The following TMEM39A variants were observed in gnomAD, a reference collection of about 807,000 sequenced individuals.
TMEM39A encodes suppressor of SQST-1 aggregates in rpl-43 mutants.
Under a neutral mutation model 51.9 loss-of-function variants are expected in TMEM39A, and 19 were observed. The observed-to-expected ratio is 0.37, with a 90% CI of 0.26 to 0.54. TMEM39A has a LOEUF of 0.54. TMEM39A is among the 20% of genes least tolerant of loss of function. TMEM39A has a pLI of 0.88. For missense variants in TMEM39A, 433 were observed against 590.5 expected, an observed-to-expected ratio of 0.73 and a Z score of 2.76; for synonymous variants, 197 against 220.2, an observed-to-expected ratio of 0.89 and a Z score of 0.93.
intron 5 of TMEM39A, among the ~76,000 whole-genome samples, chr3:119,445,090 A>AT (rs1056037434): frequency 3.3e-5 from 5 of 151,868 alleles, no homozygotes; most frequent in Non-Finnish European, 7.4e-5. Context: ...AAAAAAAAAA[A>AT]GCAACCGTCT....
At chr3:119,435,886 C>T in intron 7 of TMEM39A, 1 of 1,289,598 alleles carries the variant, frequency 7.8e-7, no homozygotes, top group South Asian at 1.2e-5. Flanking sequence ...GGTTTCTTTT[C>T]AGCCTGGCCC....
intron 8 of TMEM39A, 69 bp from the exon 9 acceptor site, chr3:119,432,283 G>T: frequency 1.8e-6 from 2 of 1,121,130 alleles, no homozygotes; most frequent in Non-Finnish European, 2.5e-6. Context: ...TTCTTGCATT[G>T]ATTTTTCTAA....
chr3:119,435,577 T>TAA (rs766264250), intron 7 of TMEM39A: 13 of 802,190 alleles, frequency 1.6e-5, no homozygotes, highest in African/African-American at 1.9e-5. Context: ...TTAAGCTTTT[T>TAA]AAAAAAAAAA....
intron 1 of TMEM39A, among the ~76,000 whole-genome samples, chr3:119,462,405 G>C (rs1200236346): frequency 6.6e-6 from 1 of 152,010 alleles, no homozygotes; most frequent in Admixed American, 6.5e-5. Flanking sequence ...TGTATCATCT[G>C]TAAGATATTA....
At chr3:119,435,826 G>C in intron 7 of TMEM39A, 1 of 1,287,912 alleles carries the variant, frequency 7.8e-7, no homozygotes, top group Non-Finnish European at 1.0e-6. Flanking sequence ...TACTAGTACT[G>C]TGGATTGTAT....
chr3:119,443,715 A>T lies in TMEM39A; in HGVS notation c.575+3303T>A, dbSNP rs1437903881. Among the ~76,000 whole-genome samples, 4 of 152,124 alleles carry T rather than the reference A, an allele frequency of 2.6e-5. No individual in the cohort carries two copies. The East Asian group carries it at 7.7e-4, about 29-fold the overall frequency. ...AGGATCACTTGAGCCCAGGAGTTCA[A>T]GACCAGCCTGGGCAACAAAACGAGA... On this transcript the variant is annotated intron_variant, in intron 5 of 8. Transcript: ENST00000319172.
In TMEM39A at chr3:119,463,457, C is replaced by G. The variant is rs1315713849; in HGVS notation, c.-196G>C. 1.0e-5 allele frequency: 4 copies of G among 396,870 alleles called. No homozygotes were observed. The highest frequency in any genetic ancestry group is 8.2e-5 in the African/African-American group (4 of 48,582). 24.6% of individuals were successfully genotyped at this position (396,870 alleles called of 1,614,324 possible). A position where few individuals can be genotyped will look rare whatever the true frequency, so the allele number is the denominator to read the frequency against. On this transcript the variant is annotated 5_prime_UTR_variant, in exon 1 of 9. Transcript: ENST00000319172. ...GAACGCTGCAAACCAGCTGCTTGGA[C>G]GCAGGCAGCCCCCGCCTAGAGAATC...
In TMEM39A at chr3:119,434,762, A is replaced by G. The variant is rs984408905; in HGVS notation, c.1233T>C (p.Tyr411=). Residue 411 remains tyrosine (Y), a splice_region_variant and synonymous_variant, in exon 8 of 9, where the codon TAT becomes TAC. Coordinates refer to ENST00000319172, the MANE Select transcript of TMEM39A (RefSeq NM_018266.3). ...VPSDVSHARF[Y]FLFHRPLRLL... ...TTGAAAATAAATAAGCGGTACTTGC[A>G]TAAAAGCGGGCATGAGATACATCTG... is the stretch of plus-strand genomic sequence containing the variant. 7.4e-6 allele frequency: 12 copies of G among 1,613,466 alleles called. No individual in the cohort carries two copies. The highest frequency in any genetic ancestry group is 1.3e-5 in the African/African-American group (1 of 74,898).
intron 4 of TMEM39A, among the ~76,000 whole-genome samples, chr3:119,450,985 G>A (rs1239206416): frequency 6.6e-6 from 1 of 151,974 alleles, no homozygotes; most frequent in Non-Finnish European, 1.5e-5. Flanking sequence ...CATACTAATT[G>A]GACATGTACA....
chr3:119,457,251 T>G (rs1457770661), intron 3 of TMEM39A, among the ~76,000 whole-genome samples: 2 of 152,128 alleles, frequency 1.3e-5, no homozygotes, highest in Non-Finnish European at 2.9e-5. Flanking sequence ...ATTACAGGCG[T>G]GAGCCACCGC....
At chr3:119,436,691 A>C in intron 7 of TMEM39A, 100 bp downstream of exon 7, 1 of 1,298,992 alleles carries the variant, frequency 7.7e-7, no homozygotes, top group Non-Finnish European at 1.1e-6. Flanking sequence ...ACTAAAAATT[A>C]AATGTTCAAA....
rs1577043609 is a variant in TMEM39A at position 119,430,904 on chromosome 3, A to G, written c.*1077T>C. 6.6e-6 allele frequency: 1 copy of G among 152,200 alleles called. No homozygotes were observed. The highest frequency in any genetic ancestry group is 1.5e-5 in the Non-Finnish European group (1 of 68,020). 9.4% of individuals were successfully genotyped at this position (152,200 alleles called of 1,614,324 possible). A position where few individuals can be genotyped will look rare whatever the true frequency, so the allele number is the denominator to read the frequency against. On this transcript the variant is annotated 3_prime_UTR_variant, in exon 9 of 9. Transcript: ENST00000319172. ...TTTAGATTCTCTAAGACAAGGTCTC[A>G]TAAGTTTAGATGACAAGTGACAACA...
chr3:119,433,571 A>AT (rs1310128462), intron 8 of TMEM39A, among the ~76,000 whole-genome samples: 1 of 152,118 alleles, frequency 6.6e-6, no homozygotes, highest in Non-Finnish European at 1.5e-5. Flanking sequence ...AAACTACTTA[A>AT]TTTTCAAGCA....
At position 119,444,162 on chromosome 3, in the gene TMEM39A, C is replaced by T. The variant is rs139929815; in HGVS notation, c.575+2856G>A. Among the ~76,000 whole-genome samples, 192 of 151,906 alleles carry T rather than the reference C, an allele frequency of 1.3e-3. 2 individuals are homozygous for T. The East Asian group carries it at 0.017, about 13-fold the overall frequency. Reference sequence around the variant, plus strand: ...CTCTAAGAGTAAGTTTCTTTATATACTTAAATTGAAACAGAAAAGTTTGCT... The same window carrying T: ...CTCTAAGAGTAAGTTTCTTTATATATTTAAATTGAAACAGAAAAGTTTGCT... On this transcript the variant is annotated intron_variant, in intron 5 of 8. Coordinates refer to ENST00000319172, the MANE Select transcript of TMEM39A (RefSeq NM_018266.3).
At position 119,462,015 on chromosome 3, in the gene TMEM39A, A is replaced by G; in HGVS notation, c.60T>C (p.Ser20=). Residue 20 remains serine, a synonymous_variant, in exon 2 of 9, where the codon TCT becomes TCC. Transcript: ENST00000319172. ...AGCCTCCACCAACCAAAGTCTGCAA[A>G]GAAGGTAAAGCTGAACGGCTTAGCT... ...RQQLSRSALP[S]LQTLVGGGCG... 10 of 1,614,146 alleles carry G rather than the reference A, an allele frequency of 6.2e-6. No homozygotes were observed. The highest frequency in any genetic ancestry group is 8.5e-6 in the Non-Finnish European group (10 of 1,180,020).
intron 4 of TMEM39A, among the ~76,000 whole-genome samples, chr3:119,452,182 A>T (rs1357611514): frequency 6.6e-6 from 1 of 152,222 alleles, no homozygotes; most frequent in Non-Finnish European, 1.5e-5. Context: ...TACTGAAACT[A>T]TTTAAATTGT....
chr3:119,463,219 G>A, intron 1 of TMEM39A, 117 bp downstream of exon 1: 1 of 189,794 alleles, frequency 5.3e-6, no homozygotes, highest in Non-Finnish European at 1.1e-5. Flanking sequence ...AACTTCAACA[G>A]ACTGGTCCCT....
rs575520138 is a variant in TMEM39A, at chr3:119,434,140, A to G, written c.1233+622T>C. On this transcript the variant is annotated intron_variant, in intron 8 of 8. Transcript: ENST00000319172. ...TTAGTCAGCTGGCCTTTCTTTTATA[A>G]GTATATACTTTTGCCTTGTACAGAC... is the stretch of plus-strand genomic sequence containing the variant. Among the ~76,000 whole-genome samples, 11 of 152,290 alleles carry G rather than the reference A, an allele frequency of 7.2e-5. No homozygotes were observed. The South Asian group carries it at 2.3e-3, about 32-fold the overall frequency.
In TMEM39A at chr3:119,431,966, T is replaced by G; in HGVS notation, c.*15A>C. ...ATATTTTTATCTGAGTTCTCCCTCA[T>G]TGTTGAGAGGCAGCTTAGTTTGCCT... On this transcript the variant is annotated 3_prime_UTR_variant, in exon 9 of 9. Coordinates refer to ENST00000319172, the MANE Select transcript of TMEM39A (RefSeq NM_018266.3). 1.3e-6 allele frequency: 2 copies of G among 1,515,012 alleles called. No individual in the cohort carries two copies. Among genetic ancestry groups the G allele is most frequent in the Non-Finnish European group, 1.8e-6 (2 of 1,114,272 alleles). The allele number at this position is 1,515,012 out of a possible 1,614,324, so 93.8% of individuals were successfully genotyped here. A position where few individuals can be genotyped will look rare whatever the true frequency, so the allele number is the denominator to read the frequency against.
Sources: gnomAD v4.1 joint callset for allele counts (sites outside exome capture counted in the v4.1 genomes callset) on GRCh38, gnomAD v4.1.1 for gene constraint, MANE v1.5 for transcripts, NCBI Gene and HGNC (gene_info 2026-07-23, HGNC 2026-07-21) for gene names.